TMEM232: variants seen among roughly 807,000 people sequenced by gnomAD.
TMEM232 encodes the protein transmembrane protein 232.
A neutral mutation model predicts 78.8 loss-of-function variants in TMEM232; 80 were observed. The ratio of observed to expected loss-of-function variants is 1.01; its 90% confidence interval spans 0.85 to 1.22. TMEM232 has a LOEUF of 1.22. TMEM232 is among the 50% of genes most tolerant of loss of function. The pLI is 0.00. For synonymous variants in TMEM232, 297 were observed against 254.3 expected, an observed-to-expected ratio of 1.17 and a Z score of -1.60; for missense variants, 881 against 742.2, an observed-to-expected ratio of 1.19 and a Z score of -2.17.
chr5:110,550,910 C>A (rs1581180668), intron 11 of TMEM232, among the ~76,000 whole-genome samples: 1 of 144,182 alleles, frequency 6.9e-6, no homozygotes. Flanking sequence ...TAATCTAGAA[C>A]AGGGTTTGGC....
At chr5:110,460,141 T>C (rs1761340140) in intron 12 of TMEM232, among the ~76,000 whole-genome samples, 1 of 152,292 alleles carries the variant, frequency 6.6e-6, no homozygotes, top group Non-Finnish European at 1.5e-5. Context: ...AATTATAAGA[T>C]AGCATTATAT....
At chr5:110,606,131 G>C in intron 9 of TMEM232, 33 bp downstream of exon 9, 1 of 1,515,428 alleles carries the variant, frequency 6.6e-7, no homozygotes, top group Non-Finnish European at 8.9e-7. Context: ...TTTCTCTTCG[G>C]TTCTCTTTTC....
At chr5:110,717,612 A>C (rs976123093) in intron 1 of TMEM232, among the ~76,000 whole-genome samples, 1 of 151,992 alleles carries the variant, frequency 6.6e-6, no homozygotes, top group Admixed American at 6.6e-5. Context: ...CTCTGTCCCC[A>C]CCCAAATCTC....
At chr5:110,594,861 A>G (rs891620581) in intron 10 of TMEM232, among the ~76,000 whole-genome samples, 12 of 152,166 alleles carry the variant, frequency 7.9e-5, no homozygotes, top group African/African-American at 2.7e-4. Context: ...GCAGACTTAA[A>G]CTTTCCTGCT....
downstream of TMEM232, among the ~76,000 whole-genome samples, chr5:110,414,945 G>A (rs981554940): frequency 5.9e-5 from 9 of 152,114 alleles, no homozygotes; most frequent in Admixed American, 5.2e-4. Flanking sequence ...TAATACCAGA[G>A]ACCTGTCTCC....
At chr5:110,522,128 T>C (rs976776881) in intron 12 of TMEM232, among the ~76,000 whole-genome samples, 1 of 152,170 alleles carries the variant, frequency 6.6e-6, no homozygotes, top group African/African-American at 2.4e-5. Flanking sequence ...AATCTAGAAG[T>C]CTTTTACATC....
chr5:110,548,013 A>C (rs1773991199), intron 11 of TMEM232, among the ~76,000 whole-genome samples: 2 of 151,352 alleles, frequency 1.3e-5, no homozygotes, highest in East Asian at 1.9e-4. Context: ...AAAAAAAAAA[A>C]AAAAAGCAAA....
chr5:110,421,974 T>G (rs560744898), intron 13 of TMEM232, among the ~76,000 whole-genome samples: 2 of 152,286 alleles, frequency 1.3e-5, no homozygotes, highest in East Asian at 3.9e-4. Context: ...CAGTTTTGCA[T>G]AAAATGTATG....
intron 1 of TMEM232, among the ~76,000 whole-genome samples, chr5:110,714,009 G>A (rs754180756): frequency 6.6e-6 from 1 of 152,244 alleles, no homozygotes; most frequent in Non-Finnish European, 1.5e-5. Context: ...TGTTTTTCAG[G>A]AACTATTCCT....
Position 110,520,050 on chromosome 5 carries a change from T to TATATATATATAGAGAG in TMEM232, c.1703+8537_1703+8538insCTCTCTATATATATAT, listed in dbSNP as rs374219408. ...TTATATATTTATGTATATATATATA[T>TATATATATATAGAGAG]AGAGAGAGAGAGAGAGAGGATTAGG... On this transcript the variant is annotated intron_variant, in intron 12 of 13. Transcript: ENST00000455884. Among the ~76,000 whole-genome samples, 161 of 147,256 alleles carry TATATATATATAGAGAG rather than the reference T, an allele frequency of 1.1e-3. 1 individual carries two copies. The highest frequency in any genetic ancestry group is 3.8e-3 in the African/African-American group (152 of 39,888).
chr5:110,738,324 T>G (rs1799431389), upstream of TMEM232: 2 of 1,104,348 alleles, frequency 1.8e-6, no homozygotes, highest in South Asian at 2.9e-5. Flanking sequence ...TAACTGGGAT[T>G]TCAATACCCT....
At chr5:110,608,814 G>C (rs918524447) in intron 8 of TMEM232, among the ~76,000 whole-genome samples, 1 of 152,014 alleles carries the variant, frequency 6.6e-6, no homozygotes, top group Non-Finnish European at 1.5e-5. Context: ...ATTGGATTAG[G>C]CTAGAAATTT....
At chr5:110,582,480 T>C (rs1170355645) in intron 10 of TMEM232, among the ~76,000 whole-genome samples, 1 of 151,742 alleles carries the variant, frequency 6.6e-6, no homozygotes, top group Non-Finnish European at 1.5e-5. Flanking sequence ...GACATAAAGA[T>C]GGCAATAATA....
intron 2 of TMEM232, among the ~76,000 whole-genome samples, chr5:110,398,980 G>A (rs1321591067): frequency 6.6e-6 from 1 of 151,988 alleles, no homozygotes; most frequent in Non-Finnish European, 1.5e-5. Context: ...GACATCTGGG[G>A]GTATTTCTGG....
chr5:110,466,725 G>A (rs369427888), intron 12 of TMEM232, among the ~76,000 whole-genome samples: 3 of 151,244 alleles, frequency 2.0e-5, no homozygotes, highest in African/African-American at 7.3e-5. Flanking sequence ...CCATTCTCCT[G>A]CCTCAGCCTC....
chr5:110,412,612 C>A lies in TMEM232; in HGVS notation n.308+12211G>T, dbSNP rs1756041234. On this transcript the variant is annotated intron_variant and non_coding_transcript_variant, in intron 2 of 8. Coordinates refer to the TMEM232 transcript ENST00000507188. ...TAACAATGACAAGAAGAGAAACTTC[C>A]TGTAGCATAAAACTATGTGTATTTT... 3.3e-5 allele frequency among the ~76,000 whole-genome samples: 5 copies of A among 151,730 alleles called. No individual in the cohort carries two copies. In the South Asian group the frequency reaches 1.0e-3, roughly 32 times the overall value.
intron 2 of TMEM232, among the ~76,000 whole-genome samples, chr5:110,650,954 T>A (rs555370315): frequency 6.6e-6 from 1 of 152,270 alleles, no homozygotes; most frequent in African/African-American, 2.4e-5. Context: ...CTAAAACTGT[T>A]CTAAACAATA....
upstream of TMEM232, among the ~76,000 whole-genome samples, chr5:110,738,516 C>T (rs1036173775): frequency 1.3e-5 from 2 of 152,116 alleles, no homozygotes; most frequent in Non-Finnish European, 2.9e-5. Flanking sequence ...ACAGTACTTT[C>T]GCGTTCACTG....
chr5:110,724,176 G>A (rs988717793), intron 1 of TMEM232, among the ~76,000 whole-genome samples: 1 of 152,164 alleles, frequency 6.6e-6, no homozygotes, highest in Non-Finnish European at 1.5e-5. Context: ...TGTTTGCAAA[G>A]TACTTTCACA....
Sources: gnomAD v4.1 joint callset for allele counts (sites outside exome capture counted in the v4.1 genomes callset) on GRCh38, gnomAD v4.1.1 for gene constraint, MANE v1.5 for transcripts, NCBI Gene and HGNC (gene_info 2026-07-23, HGNC 2026-07-21) for gene names.